Variants in BCAT1 observed in about 807,000 individuals in gnomAD.
The protein encoded by BCAT1 is branched chain amino acid transaminase 1.
BCAT1 carries 48 observed loss-of-function variants against 52.4 expected under a neutral mutation model. The ratio of observed to expected loss-of-function variants is 0.92; its 90% CI spans 0.73 to 1.16. BCAT1 has a LOEUF of 1.16. Among genes scored for constraint, BCAT1 ranks in the 50% most tolerant of loss-of-function variants. BCAT1 has a pLI of 0.00. For synonymous variants in BCAT1, 167 were observed against 161.3 expected (o/e 1.04, Z -0.27); for missense variants, 451 against 457.1 (o/e 0.99, Z 0.12).
rs74882113 is a variant in BCAT1 at position 24,817,336 on chromosome 12, A to G, written c.*672T>C. 3,125 of 152,840 alleles carry G rather than the reference A, an allele frequency of 0.02. 53 individuals are homozygous for G. The highest frequency in any genetic ancestry group is 0.03 in the Non-Finnish European group (2,079 of 68,174). 9.5% of individuals were successfully genotyped at this position (152,840 alleles called of 1,614,324 possible). On this transcript the variant is annotated 3_prime_UTR_variant, in exon 11 of 11. Transcript: ENST00000261192. ...TGGGGGATACAAAGATCTATAAGGC[A>G]CAAGACCCTCAGTCTTGTAGTCGCC...
chr12:24,876,082 T>G (rs1016449958), intron 5 of BCAT1, among the ~76,000 whole-genome samples: 1 of 151,950 alleles, frequency 6.6e-6, no homozygotes, highest in Non-Finnish European at 1.5e-5. Context: ...TCTCACATAA[T>G]TTATTGAATA....
intron 1 of BCAT1, among the ~76,000 whole-genome samples, chr12:24,946,683 G>A (rs1354948095): frequency 6.6e-6 from 1 of 152,176 alleles, no homozygotes; most frequent in Non-Finnish European, 1.5e-5. Flanking sequence ...CTGATAAATT[G>A]TGTAGCCTTC....
At chr12:24,828,706 A>G (rs990622628) in intron 10 of BCAT1, among the ~76,000 whole-genome samples, 1 of 152,314 alleles carries the variant, frequency 6.6e-6, no homozygotes, top group South Asian at 2.1e-4. Context: ...GGAAAAAATA[A>G]CTATCTAAAA....
chr12:24,835,878 A>C (rs1940900004), intron 8 of BCAT1, among the ~76,000 whole-genome samples: 1 of 152,150 alleles, frequency 6.6e-6, no homozygotes, highest in Admixed American at 6.5e-5. Context: ...GGCATGAACC[A>C]CTGCACCCGG....
At chr12:24,910,138 C>T (rs1943294203) in intron 1 of BCAT1, among the ~76,000 whole-genome samples, 1 of 152,112 alleles carries the variant, frequency 6.6e-6, no homozygotes, top group East Asian at 1.9e-4. Flanking sequence ...CTTTGGGAGG[C>T]CAAAGCAGGC....
intron 4 of BCAT1, 48 bp from the exon 5 acceptor site, chr12:24,878,697 G>A (rs1398413154): frequency 2.0e-6 from 3 of 1,526,142 alleles, no homozygotes; most frequent in South Asian, 1.2e-5. Context: ...CTCACAATGT[G>A]GCAATAATAA....
At chr12:24,925,531 A>G (rs1411857695) in intron 1 of BCAT1, among the ~76,000 whole-genome samples, 1 of 152,158 alleles carries the variant, frequency 6.6e-6, no homozygotes, top group African/African-American at 2.4e-5. Context: ...CCTGCCTAAC[A>G]CAATAGGTTT....
chr12:24,886,739 A>T (rs1942670642), intron 3 of BCAT1, among the ~76,000 whole-genome samples: 1 of 151,226 alleles, frequency 6.6e-6, no homozygotes, highest in Non-Finnish European at 1.5e-5. Context: ...GAACATAATG[A>T]CTGAGCCAGC....
At chr12:24,932,335 G>A (rs1169420945) in intron 1 of BCAT1, among the ~76,000 whole-genome samples, 4 of 152,100 alleles carry the variant, frequency 2.6e-5, no homozygotes, top group Non-Finnish European at 5.9e-5. Context: ...ATTATGCTCT[G>A]GGAAGTTTCA....
intron 4 of BCAT1, among the ~76,000 whole-genome samples, chr12:24,879,796 A>G (rs934822027): frequency 6.6e-6 from 1 of 152,246 alleles, no homozygotes; most frequent in Non-Finnish European, 1.5e-5. Context: ...TCTTCTCTGT[A>G]CAAAGGCACT....
At chr12:24,843,562 C>T (rs896815008) in intron 6 of BCAT1, among the ~76,000 whole-genome samples, 3 of 152,086 alleles carry the variant, frequency 2.0e-5, no homozygotes, top group African/African-American at 7.2e-5. Flanking sequence ...AAGATAGCAC[C>T]ACTGCACTCC....
At position 24,811,213 on chromosome 12, in the gene BCAT1, T is replaced by C. The variant is rs1376857695; in HGVS notation, c.*6795A>G. 1.3e-5 allele frequency: 2 copies of C among 152,218 alleles called. No homozygotes were observed. Among genetic ancestry groups the C allele is most frequent in the African/African-American group, 2.4e-5 (1 of 41,472 alleles). 9.4% of individuals were successfully genotyped at this position (152,218 alleles called of 1,614,324 possible). On this transcript the variant is annotated 3_prime_UTR_variant, in exon 11 of 11. Transcript: ENST00000261192. The stretch of plus-strand genomic sequence containing the variant: ...GTGGTGTGGTTTCTGGTCTTTCTGG[T>C]GTGCTCAATTCTCTCTGTGTCATTT...
chr12:24,896,862 A>G (rs537674632), intron 2 of BCAT1, among the ~76,000 whole-genome samples: 1 of 152,306 alleles, frequency 6.6e-6, no homozygotes, highest in East Asian at 1.9e-4. Context: ...AAGCTAACAC[A>G]GTGCCTAGCA....
chr12:24,864,886 G>T (rs2081597806), intron 5 of BCAT1, among the ~76,000 whole-genome samples: 1 of 152,140 alleles, frequency 6.6e-6, no homozygotes, highest in Non-Finnish European at 1.5e-5. Context: ...TCAGTTCTCA[G>T]GCCTCATCTC....
Position 24,829,866 on chromosome 12 carries a change from G to A in BCAT1, c.1076C>T (p.Pro359Leu). 6.2e-7 allele frequency: 1 copy of A among 1,611,484 alleles called. No homozygotes were observed. The highest frequency in any genetic ancestry group is 1.1e-5 in the South Asian group (1 of 90,514). The stretch of plus-strand genomic sequence containing the variant: ...GCTCAAGATGCGGCTTGCCAGCTTA[G>A]GACCATTCTCCATAGTTGGAATGTG... The part of the protein sequence containing the change: ...TIHIPTMENG[P>L]KLASRILSKL... The change falls in exon 10 of 11, where the codon CCT (proline) becomes CTT (leucine). Residue 359 changes from proline (P) to leucine (L), a missense_variant. Transcript: ENST00000261192.
At chr12:24,939,311 A>T (rs1315031705) in intron 1 of BCAT1, among the ~76,000 whole-genome samples, 1 of 152,230 alleles carries the variant, frequency 6.6e-6, no homozygotes, top group Non-Finnish European at 1.5e-5. Flanking sequence ...TGTCTAATTA[A>T]GTAAAACTTA....
At chr12:24,828,182 T>C (rs1357898311) in intron 10 of BCAT1, among the ~76,000 whole-genome samples, 1 of 152,250 alleles carries the variant, frequency 6.6e-6, no homozygotes, top group Non-Finnish European at 1.5e-5. Context: ...ATGATCAAAC[T>C]TTATTTTACT....
At chr12:24,851,054 C>A (rs1043568042) in intron 5 of BCAT1, among the ~76,000 whole-genome samples, 1 of 152,094 alleles carries the variant, frequency 6.6e-6, no homozygotes, top group African/African-American at 2.4e-5. Flanking sequence ...AATTAGGGTT[C>A]ATTGTTTATT....
rs1939926920 is a variant in BCAT1, at chr12:24,817,606, G to A, written c.*402C>T. ...ATAGGCTGCAGGAAATGTAACCTAT[G>A]AAATTTTCTCAAATTAGCTTTCAAA... On this transcript the variant is annotated 3_prime_UTR_variant, in exon 11 of 11. Coordinates refer to ENST00000261192, the MANE Select transcript of BCAT1 (RefSeq NM_005504.7). 6.2e-6 allele frequency: 1 copy of A among 160,892 alleles called. No individual in the cohort carries two copies. Among genetic ancestry groups the A allele is most frequent in the Non-Finnish European group, 1.4e-5 (1 of 73,760 alleles). 10.0% of individuals were successfully genotyped at this position (160,892 alleles called of 1,614,324 possible).
Sources: gnomAD v4.1 joint callset for allele counts (sites outside exome capture counted in the v4.1 genomes callset) on GRCh38, gnomAD v4.1.1 for gene constraint, MANE v1.5 for transcripts, NCBI Gene and HGNC (gene_info 2026-07-23, HGNC 2026-07-21) for gene names.